The following HERC1 variants were observed in gnomAD, a reference collection of about 807,000 sequenced individuals.
HERC1 encodes HECT and RLD domain containing E3 ubiquitin protein ligase family member 1.
HERC1 carries 160 observed loss-of-function variants against 554.3 expected under a neutral mutation model. The observed-to-expected ratio is 0.29, with a 90% CI of 0.25 to 0.33. The LOEUF is 0.33. Ranked by LOEUF, HERC1 falls within the 10% of genes least tolerant of loss-of-function variation. The pLI, the probability that HERC1 is intolerant of heterozygous loss-of-function variation, is 1.00. For synonymous variants in HERC1, 2,175 were observed against 2,131.7 expected (o/e 1.02, Z -0.56); for missense variants, 4,919 against 5,918.5 (o/e 0.83, Z 5.54).
chr15:63,696,134 T>C lies in HERC1; in HGVS notation c.5111A>G (p.His1704Arg). The stretch of plus-strand genomic sequence containing the variant: ...CAAGGTGTCACCTACCTGATAGTGA[T>C]GCAATCGGCCACTCTCTCCCTTGCC... The part of the protein sequence containing the change: ...TGGKGESGRL[H>R]HYQDGIRAAK... The change falls in exon 27 of 78, where the codon CAT becomes CGT. Residue 1704 changes from histidine (H) to arginine (R), a missense_variant. By Grantham distance (29) the His-to-Arg change is conservative (BLOSUM62 0). Transcript: ENST00000443617. The C allele has an allele frequency of 4.3e-6, 7 of 1,611,672 alleles. No homozygotes were observed. Among genetic ancestry groups the C allele is most frequent in the Non-Finnish European group, 5.9e-6 (7 of 1,178,302 alleles).
At chr15:63,670,022 G>T (rs1043671616) in intron 39 of HERC1, among the ~76,000 whole-genome samples, 6 of 152,154 alleles carry the variant, frequency 3.9e-5, no homozygotes, top group African/African-American at 1.4e-4. Flanking sequence ...GATAAGAGGG[G>T]TAATTTGGTA....
intron 16 of HERC1, among the ~76,000 whole-genome samples, chr15:63,728,671 T>C (rs1307551547): frequency 2.0e-5 from 3 of 152,046 alleles, no homozygotes; most frequent in Admixed American, 6.6e-5. Context: ...ATAGGAGTCA[T>C]TAATATGTAA....
intron 25 of HERC1, among the ~76,000 whole-genome samples, chr15:63,702,662 T>C (rs1010045243): frequency 1.3e-5 from 2 of 152,250 alleles, no homozygotes; most frequent in African/African-American, 4.8e-5. Context: ...ATCAGGCTGT[T>C]ATGAAAATTA....
chr15:63,700,382 C>G (rs954317055), intron 25 of HERC1, among the ~76,000 whole-genome samples: 1 of 151,592 alleles, frequency 6.6e-6, no homozygotes, highest in Admixed American at 6.6e-5. Flanking sequence ...AGTTATGTAA[C>G]TAGATAGAAA....
At chr15:63,623,371 T>A (rs934128647) in intron 73 of HERC1, among the ~76,000 whole-genome samples, 3 of 152,232 alleles carry the variant, frequency 2.0e-5, no homozygotes, top group African/African-American at 7.2e-5. Context: ...GCAGTTCTAC[T>A]TTGTTCTAAA....
intron 57 of HERC1, among the ~76,000 whole-genome samples, chr15:63,644,305 T>C (rs1403534313): frequency 2.0e-5 from 3 of 152,236 alleles, no homozygotes; most frequent in Admixed American, 2.0e-4. Context: ...AGCTCAGAGA[T>C]GCGATCTGAC....
chr15:63,722,951 T>C (rs528823176), intron 19 of HERC1, among the ~76,000 whole-genome samples: 78 of 152,268 alleles, frequency 5.1e-4, no homozygotes, highest in Non-Finnish European at 8.4e-4. Context: ...AAATGTATTA[T>C]ATAAATCTCA....
In HERC1 at chr15:63,706,807, C is replaced by A; in HGVS notation, c.4609G>T (p.Asp1537Tyr). 1 of 1,543,398 alleles carries A rather than the reference C, an allele frequency of 6.5e-7. No homozygotes were observed. The highest frequency in any genetic ancestry group is 1.2e-5 in the South Asian group (1 of 82,574). The change falls in exon 25 of 78, where the codon GAT becomes TAT. Residue 1537 changes from aspartate to tyrosine, a missense_variant. By Grantham distance (160) the Asp-to-Tyr change is radical. Around this residue, in one of 11 missense-constraint regions of HERC1, gnomAD observed 1,121 missense variants for 1,244.0 expected, o/e 0.90. Transcript: ENST00000443617. ...CTCTTTCTGTGAGATGCTGCCAAAT[C>A]CAAATCAACATTTCGTCTGCCACTC... ...ALSGRRNVDL[D>Y]LAASHRKRGP...
At chr15:63,811,455 C>G (rs2077305412) in intron 1 of HERC1, among the ~76,000 whole-genome samples, 1 of 152,050 alleles carries the variant, frequency 6.6e-6, no homozygotes, top group South Asian at 2.1e-4. Flanking sequence ...TTTTCAAAAT[C>G]AGAATTTGGG....
At position 63,677,820 on chromosome 15, in the gene HERC1, A is replaced by C; in HGVS notation, c.7070+25T>G. On this transcript the variant is annotated intron_variant, in intron 37 of 77. Transcript: ENST00000443617. The surrounding 1 kb of genome is among the most constrained non-coding windows in gnomAD (Gnocchi z 4.4). ...TTTCACCATTAAATATTTGTTTGCT[A>C]AAAGTGTAACTCAACAGATCATACC... 1 of 1,590,420 alleles carries C rather than the reference A, an allele frequency of 6.3e-7. No homozygotes were observed. Among genetic ancestry groups the C allele is most frequent in the African/African-American group, 1.3e-5 (1 of 74,556 alleles).
chr15:63,833,743 A>ACGCGCGCG (rs145148725), intron 1 of HERC1, 84 bp downstream of exon 1: 5 of 66,266 alleles, frequency 7.5e-5, no homozygotes, highest in African/African-American at 1.8e-4. Flanking sequence ...CAAAGCACAC[A>ACGCGCGCG]CGCGCGCGCG....
chr15:63,746,392 A>T (rs1161811080), intron 12 of HERC1, among the ~76,000 whole-genome samples: 1 of 152,158 alleles, frequency 6.6e-6, no homozygotes, highest in African/African-American at 2.4e-5. Flanking sequence ...GATATTTTTA[A>T]GTTTCCCCCA....
In HERC1 at chr15:63,685,804, T is replaced by C. The variant is rs534495777; in HGVS notation, c.6225+555A>G. ...AAATGCCTGCTTGCAATGTTGGCCC[T>C]TGGCTGGCATGGGGGAACTTGACTG... On this transcript the variant is annotated intron_variant, in intron 34 of 77. Coordinates refer to ENST00000443617, the MANE Select transcript of HERC1 (RefSeq NM_003922.4). Among the ~76,000 whole-genome samples, 54 of 152,370 alleles carry C rather than the reference T, an allele frequency of 3.5e-4. 1 individual carries two copies. The highest frequency in any genetic ancestry group is 1.2e-3 in the African/African-American group (48 of 41,588).
intron 39 of HERC1, among the ~76,000 whole-genome samples, chr15:63,670,491 T>C (rs2070853135): frequency 6.6e-6 from 1 of 152,206 alleles, no homozygotes; most frequent in Non-Finnish European, 1.5e-5. Flanking sequence ...AGTAGTTCTC[T>C]GGTTTTTCCT....
At chr15:63,714,301 T>A (rs1336432271) in intron 22 of HERC1, among the ~76,000 whole-genome samples, 1 of 152,144 alleles carries the variant, frequency 6.6e-6, no homozygotes, top group African/African-American at 2.4e-5. Flanking sequence ...CTTTGCTGTA[T>A]CTTAAACACA....
intron 12 of HERC1, among the ~76,000 whole-genome samples, chr15:63,738,041 C>T (rs1158877513): frequency 6.6e-6 from 1 of 152,118 alleles, no homozygotes; most frequent in Non-Finnish European, 1.5e-5. Flanking sequence ...GATGAAGAAA[C>T]CCAGCAGAAA....
At chr15:63,822,626 T>A (rs1008178439) in intron 1 of HERC1, among the ~76,000 whole-genome samples, 13 of 152,146 alleles carry the variant, frequency 8.5e-5, no homozygotes, top group African/African-American at 3.1e-4. Context: ...TAATTTAATT[T>A]AGATGTCATC....
At chr15:63,701,124 A>G (rs144971124) in intron 25 of HERC1, among the ~76,000 whole-genome samples, 92 of 152,208 alleles carry the variant, frequency 6.0e-4, no homozygotes, top group African/African-American at 2.0e-3. Context: ...AAAATGCGCA[A>G]GGAACTGATA....
intron 74 of HERC1, among the ~76,000 whole-genome samples, chr15:63,620,547 C>G (rs1365296049): frequency 4.6e-5 from 7 of 152,050 alleles, no homozygotes; most frequent in Non-Finnish European, 1.0e-4. Flanking sequence ...CCTGGATATC[C>G]TTGTTAACTT....
Sources: gnomAD v4.1 joint callset for allele counts (sites outside exome capture counted in the v4.1 genomes callset) on GRCh38, gnomAD v4.1.1 for gene constraint, gnomAD v4.1.1 regional missense constraint, Gnocchi (gnomAD v3.1) non-coding constraint, MANE v1.5 for transcripts, NCBI Gene and HGNC (gene_info 2026-07-23, HGNC 2026-07-21) for gene names.